The following TSPAN11 variants were observed in gnomAD, a reference collection of about 807,000 sequenced individuals.
TSPAN11 encodes tetraspanin-11.
A neutral mutation model predicts 32.9 loss-of-function variants in TSPAN11; 29 were observed. The observed-to-expected ratio is 0.88, with a 90% CI of 0.66 to 1.20. The LOEUF (loss-of-function observed/expected upper bound fraction) is 1.20, where lower values mean the gene tolerates loss of function less well. Ranked by LOEUF, TSPAN11 falls within the 50% of genes most tolerant of loss-of-function variation. The probability of loss-of-function intolerance (pLI) is 0.00; values close to 1 mark genes in which losing one functional copy is unlikely to be tolerated. For missense variants in TSPAN11, 283 were observed against 329.1 expected (o/e 0.86, Z 1.08); for synonymous variants, 140 against 141.3 (o/e 0.99, Z 0.07).
chr12:30,978,444 T>C, intron 3 of TSPAN11, 117 bp from the exon 4 acceptor site: 2 of 963,396 alleles, frequency 2.1e-6, no homozygotes, highest in South Asian at 1.5e-5. Flanking sequence ...AGGAGGAAGA[T>C]GGCATGGATG....
the TSPAN11 span, among the ~76,000 whole-genome samples, chr12:31,002,483 A>T: frequency 2.0e-5 from 3 of 152,118 alleles, no homozygotes; most frequent in African/African-American, 7.2e-5. This position sits in a 1 kb window ranked among gnomAD's most constrained non-coding sequence, Gnocchi z 4.8. Context: ...AACCCCATAC[A>T]CCAGGACCCA....
chr12:31,007,372 T>C, the TSPAN11 span, among the ~76,000 whole-genome samples: 1 of 151,798 alleles, frequency 6.6e-6, no homozygotes, highest in Non-Finnish European at 1.5e-5. Flanking sequence ...CACCCTATTT[T>C]CCCCACTCCC....
At chr12:30,979,742 T>G in intron 5 of TSPAN11, 72 bp downstream of exon 5, 2 of 1,524,498 alleles carry the variant, frequency 1.3e-6, no homozygotes, top group Non-Finnish European at 1.8e-6. Context: ...CTTTCCTTTC[T>G]GGGTGACCCT....
In TSPAN11 at chr12:30,979,565, G is replaced by T. The variant is rs754617722; in HGVS notation, c.352-1G>T. 1 of 1,614,184 alleles carries T rather than the reference G, an allele frequency of 6.2e-7. No homozygotes were observed. The highest frequency in any genetic ancestry group is 8.5e-7 in the Non-Finnish European group (1 of 1,180,026). On this transcript the variant is annotated splice_acceptor_variant, in intron 4 of 7. Transcript: ENST00000546076. LOFTEE classifies it high-confidence loss of function. ...GGGGACTTCGCTCCTACCCTCCTCA[G>T]CTGAGTGATGAACTGAAGCAGCACT...
Position 30,978,641 on chromosome 12 carries a change from T to C in TSPAN11, c.351+6T>C. The C allele has an allele frequency of 6.2e-7, 1 of 1,614,018 alleles. No homozygotes were observed. The highest frequency in any genetic ancestry group is 8.5e-7 in the Non-Finnish European group (1 of 1,179,864). On this transcript the variant is annotated splice_donor_region_variant and intron_variant, in intron 4 of 7. Transcript: ENST00000546076. ...CCCATGTGTATTACCAGAGGGTAAG[T>C]GACGTTTCCTCCTCCTGCATCCTCT...
At chr12:30,942,847 T>C (rs9668315) in intron 1 of TSPAN11, among the ~76,000 whole-genome samples, 15,523 of 152,182 alleles carry the variant, frequency 0.1, 2,148 homozygotes, top group African/African-American at 0.31. Context: ...GCACCATCCA[T>C]GTGACTCTGT....
chr12:30,995,726 C>T lies in TSPAN11; in HGVS notation c.*3811C>T, dbSNP rs1939403094. 1 of 152,202 alleles carries T rather than the reference C, an allele frequency of 6.6e-6. No homozygotes were observed. The highest frequency in any genetic ancestry group is 6.5e-5 in the Admixed American group (1 of 15,288). The allele number at this position is 152,202 out of a possible 1,614,324, so 9.4% of individuals were successfully genotyped here. A position where few individuals can be genotyped will look rare whatever the true frequency, so the allele number is the denominator to read the frequency against. On this transcript the variant is annotated 3_prime_UTR_variant, in exon 8 of 8. Transcript: ENST00000546076. ...ATCCACTGAGGGTATAGTGACCAAG[C>T]GTCTAAACCAGTCGTTCTCAAACTT...
chr12:30,945,317 CT>C (rs1288623957), intron 1 of TSPAN11, among the ~76,000 whole-genome samples: 6 of 152,186 alleles, frequency 3.9e-5, no homozygotes, highest in Non-Finnish European at 7.3e-5. Flanking sequence ...TCCTCCATGG[CT>C]TCTGTCAGCT....
intron 2 of TSPAN11, among the ~76,000 whole-genome samples, chr12:30,960,546 T>C (rs1463378068): frequency 6.6e-6 from 1 of 151,930 alleles, no homozygotes; most frequent in Admixed American, 6.5e-5. Context: ...GCCTTATTTC[T>C]CTCGGCCCCT....
downstream of TSPAN11, chr12:30,997,396 GT>G (rs2140319499): frequency 6.6e-6 from 1 of 152,328 alleles, no homozygotes; most frequent in East Asian, 1.9e-4. Context: ...AAGAGAAGAG[GT>G]TTAATTGACT....
At chr12:30,938,413 C>T (rs1466309064) in intron 1 of TSPAN11, among the ~76,000 whole-genome samples, 1 of 152,144 alleles carries the variant, frequency 6.6e-6, no homozygotes, top group African/African-American at 2.4e-5. Context: ...CAGGATTTCC[C>T]CAGCTGACCC....
intron 3 of TSPAN11, among the ~76,000 whole-genome samples, chr12:30,977,086 G>A (rs893844005): frequency 6.6e-5 from 10 of 152,192 alleles, no homozygotes; most frequent in Admixed American, 6.5e-4. Context: ...GAGGAGGTGG[G>A]TAATGCACTT....
At chr12:30,961,039 A>AG (rs1412615958) in intron 2 of TSPAN11, among the ~76,000 whole-genome samples, 1 of 151,518 alleles carries the variant, frequency 6.6e-6, no homozygotes, top group Non-Finnish European at 1.5e-5. Flanking sequence ...GAAAAAAAAA[A>AG]AAAAGAAAAA....
At position 30,963,270 on chromosome 12, in the gene TSPAN11, G is replaced by C. The variant is rs1861921; in HGVS notation, c.85-556G>C. ...CTAACCCTGCCCCCAACTACAGGCAGGACCTTGGACAATTTACCTTTCCTC... is the reference window on the plus strand; with the variant it reads ...CTAACCCTGCCCCCAACTACAGGCACGACCTTGGACAATTTACCTTTCCTC... On this transcript the variant is annotated intron_variant, in intron 2 of 7. Transcript: ENST00000546076. Among the ~76,000 whole-genome samples the C allele has an allele frequency of 0.032, 4,860 of 152,262 alleles. 438 individuals carry two copies. The East Asian group carries it at 0.33, about 10-fold the overall frequency.
chr12:30,940,831 C>CAGGTGAACATGCT (rs1864657865), intron 1 of TSPAN11, among the ~76,000 whole-genome samples: 2 of 152,320 alleles, frequency 1.3e-5, no homozygotes, highest in South Asian at 4.1e-4. Context: ...GGTGAACGAG[C>CAGGTGAACATGCT]ATTACCGCCT....
chr12:30,938,748 G>C (rs78168685), intron 1 of TSPAN11, among the ~76,000 whole-genome samples: 2,266 of 152,268 alleles, frequency 0.015, 60 homozygotes, highest in African/African-American at 0.052. Flanking sequence ...GCTCTGAGCA[G>C]CTTCTCGGGA....
chr12:30,961,375 G>C (rs758143196), intron 2 of TSPAN11, among the ~76,000 whole-genome samples: 5 of 151,914 alleles, frequency 3.3e-5, no homozygotes, highest in African/African-American at 4.9e-5. Context: ...CCAGTTTACA[G>C]ATGAAGAAAC....
chr12:30,980,397 G>C (rs1326691189), intron 5 of TSPAN11, among the ~76,000 whole-genome samples: 2 of 152,204 alleles, frequency 1.3e-5, no homozygotes, highest in Non-Finnish European at 2.9e-5. Flanking sequence ...TGTCTAGTGA[G>C]CTCTGATCAG....
chr12:30,955,823 A>C (rs1281015586), intron 2 of TSPAN11, among the ~76,000 whole-genome samples: 1 of 152,162 alleles, frequency 6.6e-6, no homozygotes, highest in South Asian at 2.1e-4. Flanking sequence ...TTACAAGGAC[A>C]CCAGTCATAT....
Sources: allele counts gnomAD v4.1 joint callset (sites outside exome capture counted in the v4.1 genomes callset), GRCh38; gene constraint gnomAD v4.1.1; non-coding constraint Gnocchi (gnomAD v3.1); transcripts MANE v1.5; gene names NCBI Gene and HGNC (gene_info 2026-07-23, HGNC 2026-07-21).